TH: variants seen among roughly 807,000 people sequenced by gnomAD.
TH encodes the protein tyrosine 3-monooxygenase.
Under a neutral mutation model 57.4 loss-of-function variants are expected in TH, and 49 were observed. That is an observed-to-expected ratio of 0.85 (90% CI 0.68 to 1.08). The LOEUF is 1.08. TH is among the 50% of genes least tolerant of loss of function. The pLI is 0.00. For synonymous variants in TH, 330 were observed against 304.5 expected, an observed-to-expected ratio of 1.08 and a Z score of -0.87; for missense variants, 720 against 696.7, an observed-to-expected ratio of 1.03 and a Z score of -0.38.
chr11:2,167,574 A>G, intron 5 of TH, 89 bp from the exon 6 acceptor site: 1 of 1,441,832 alleles, frequency 6.9e-7, no homozygotes, highest in Non-Finnish European at 9.4e-7. Context: ...ACAGGTCCAC[A>G]CCCGCCTAGT....
intron 3 of TH, 71 bp downstream of exon 3, chr11:2,168,420 C>T: frequency 6.3e-7 from 1 of 1,588,222 alleles, no homozygotes; most frequent in Non-Finnish European, 8.6e-7. Context: ...GTAGGGTCCC[C>T]CTGCAGGAGC....
chr11:2,165,903 G>A, intron 10 of TH, 99 bp downstream of exon 10: 5 of 1,500,502 alleles, frequency 3.3e-6, no homozygotes, highest in Non-Finnish European at 4.5e-6. Context: ...ACAATTCGTG[G>A]GTGGAAGGAG....
In TH at chr11:2,171,619, G is replaced by A; in HGVS notation, c.90+78C>T. ...TGAGCCTGGGGCTGCCAGCCAGGCT[G>A]GGGAGTAGCAGAGGCAGCTGGCACC... On this transcript the variant is annotated intron_variant, in intron 1 of 12. Transcript: ENST00000352909. This position sits in a 1 kb window ranked among gnomAD's most constrained non-coding sequence, Gnocchi z 8.6. 6.6e-7 allele frequency: 1 copy of A among 1,510,774 alleles called. No individual in the cohort carries two copies. Among genetic ancestry groups the A allele is most frequent in the South Asian group, 1.1e-5 (1 of 88,288 alleles). 93.6% of individuals were successfully genotyped at this position (1,510,774 alleles called of 1,614,324 possible).
rs76240471 is a variant in TH, at chr11:2,169,695, C to T, written c.267G>A (p.Arg89=). 10,383 of 1,613,418 alleles carry T rather than the reference C, an allele frequency of 6.4e-3. 181 individuals carry two copies. The highest frequency in any genetic ancestry group is 0.061 in the Middle Eastern group (368 of 6,058). ...GGGACAGCGCCGAGGGCTTGGTGGC[C>T]CTCGGGGAGAAGAGCAGGTTTAGCA... The part of the protein sequence containing the change: ...KAVLNLLFSP[R]ATKPSALSRA... Residue 89 remains arginine, a synonymous_variant, in exon 2 of 13, where the codon AGG becomes AGA. Coordinates refer to ENST00000352909, the MANE Select transcript of TH (RefSeq NM_000360.4).
rs1846110498 is a variant in TH at position 2,166,925 on chromosome 11, T to C, written c.803A>G (p.Asn268Ser). The change falls in exon 7 of 13, where the codon AAT (asparagine) becomes AGT (serine). Residue 268 changes from asparagine to serine, a missense_variant. Transcript: ENST00000352909. ...LERFSGYRED[N>S]IPQLEDVSRF... ...GGAGACGTCCTCCAGCTGGGGGATA[T>C]TGTCTTCCCGGTAGCCGCTGAAGCG... 1 of 1,603,238 alleles carries C rather than the reference T, an allele frequency of 6.2e-7. No homozygotes were observed. The highest frequency in any genetic ancestry group is 1.3e-5 in the African/African-American group (1 of 74,824).
intron 2 of TH, 108 bp downstream of exon 2, chr11:2,169,542 C>G (rs564773405): frequency 7.1e-5 from 80 of 1,126,284 alleles, no homozygotes; most frequent in Non-Finnish European, 1.3e-5. Context: ...GTGCCGGCCT[C>G]GGGGGCCTGG....
At chr11:2,168,231 G>A (rs1240451267) in intron 3 of TH, 52 bp from the exon 4 acceptor site, 2 of 1,583,070 alleles carry the variant, frequency 1.3e-6, no homozygotes, top group South Asian at 1.1e-5. Flanking sequence ...CCGTGGGGCT[G>A]TGTCACCCAC....
intron 10 of TH, 57 bp downstream of exon 10, chr11:2,165,945 C>A: frequency 6.5e-7 from 1 of 1,537,414 alleles, no homozygotes; most frequent in Non-Finnish European, 8.8e-7. Context: ...GAGGGTGAGG[C>A]CTGGATTCAG....
rs767468642 is a variant in TH, at chr11:2,170,654, C to A, written c.91-783G>T. The A allele has an allele frequency of 2.0e-6, 3 of 1,482,810 alleles. No homozygotes were observed. The highest frequency in any genetic ancestry group is 2.8e-6 in the Non-Finnish European group (3 of 1,073,366). 91.9% of individuals were successfully genotyped at this position (1,482,810 alleles called of 1,614,324 possible). A position where few individuals can be genotyped will look rare whatever the true frequency, so the allele number is the denominator to read the frequency against. On this transcript the variant is annotated intron_variant, in intron 1 of 12. Coordinates refer to ENST00000352909, the MANE Select transcript of TH (RefSeq NM_000360.4). This position sits in a 1 kb window ranked among gnomAD's most constrained non-coding sequence, Gnocchi z 6.0. ...CAGGGTTGTGGAACATGAAGGGGAG[C>A]AGCAGAAGCCCCTCCCAGAGTCCCC...
At chr11:2,169,245 C>T (rs111479960) in intron 2 of TH, among the ~76,000 whole-genome samples, 1,916 of 152,214 alleles carry the variant, frequency 0.013, 54 homozygotes, top group African/African-American at 0.044. Flanking sequence ...TCCCGGGGCA[C>T]AGTGGGGCCG....
At chr11:2,168,058 G>C in intron 4 of TH, 33 bp downstream of exon 4, 2 of 1,611,812 alleles carry the variant, frequency 1.2e-6, no homozygotes, top group South Asian at 1.1e-5. Context: ...GTGATCAGGG[G>C]CAGGAGGCCT....
intron 8 of TH, 35 bp downstream of exon 8, chr11:2,166,598 C>T (rs774359678): frequency 2.5e-6 from 4 of 1,584,514 alleles, no homozygotes; most frequent in South Asian, 2.3e-5. Context: ...GTCGCACCCC[C>T]CACCCTCGGG....
intron 6 of TH, 151 bp downstream of exon 6, chr11:2,167,284 A>T: frequency 9.4e-7 from 1 of 1,065,600 alleles, no homozygotes; most frequent in South Asian, 1.5e-5. Flanking sequence ...CTTCCTCCCA[A>T]CCCAACATTC....
At chr11:2,169,036 GC>G (rs964269942) in intron 2 of TH, among the ~76,000 whole-genome samples, 3 of 152,162 alleles carry the variant, frequency 2.0e-5, no homozygotes, top group Non-Finnish European at 4.4e-5. Context: ...TGTAGGATGG[GC>G]CCTGAGTCTC....
In TH at chr11:2,166,209, C is replaced by A. The variant is rs4072824; in HGVS notation, c.1048-151G>T. 658,690 of 942,104 alleles carry A rather than the reference C, an allele frequency of 0.7. 234,986 individuals carry two copies. The highest frequency in any genetic ancestry group is 0.96 in the East Asian group (36,675 of 38,066). 58.4% of individuals were successfully genotyped at this position (942,104 alleles called of 1,614,324 possible). On this transcript the variant is annotated intron_variant, in intron 9 of 12. Transcript: ENST00000352909. ...CCCTGGCCGCCCAGGATCCGCACCTCCACCGGGCCTCCTCCTCCAGGCAGC... is the reference window on the plus strand; with the variant it reads ...CCCTGGCCGCCCAGGATCCGCACCTACACCGGGCCTCCTCCTCCAGGCAGC...
intron 9 of TH, 42 bp from the exon 10 acceptor site, chr11:2,166,100 G>A: frequency 6.5e-7 from 1 of 1,547,816 alleles, no homozygotes; most frequent in Non-Finnish European, 8.7e-7. Context: ...AGGCAGCCCT[G>A]GGTCATGCTC....
Position 2,166,676 on chromosome 11 carries a change from G to A in TH, c.934C>T (p.Gln312Ter), listed in dbSNP as rs1337159250. The stretch of plus-strand genomic sequence containing the variant: ...GGCGAGGACGCGTGGCGGATATACT[G>A]GGTGCACTGGAACACGCGGAAGGCC... ...SLAFRVFQCTQYIRHASSPMH... is the reference protein window; with the variant it reads ...SLAFRVFQCT Residue 312 changes from glutamine to a stop codon, truncating the protein, a stop_gained, in exon 8 of 13, where the codon CAG becomes TAG. Transcript: ENST00000352909. LOFTEE classifies it high-confidence loss of function. 3.8e-6 allele frequency: 6 copies of A among 1,566,422 alleles called. No individual in the cohort carries two copies. The South Asian group carries it at 7.0e-5, about 18-fold the overall frequency.
At chr11:2,169,164 G>A (rs1438288261) in intron 2 of TH, among the ~76,000 whole-genome samples, 4 of 152,112 alleles carry the variant, frequency 2.6e-5, no homozygotes, top group African/African-American at 9.7e-5. Context: ...AACTGGCTCT[G>A]GGAGCTGGGG....
In TH at chr11:2,168,091, C is replaced by T. The variant is rs201809787; in HGVS notation, c.576G>A (p.Pro192=). 4.0e-5 allele frequency: 64 copies of T among 1,612,940 alleles called. No homozygotes were observed. Among genetic ancestry groups the T allele is most frequent in the Admixed American group, 6.7e-5 (4 of 59,996 alleles). The change falls in exon 4 of 13, where the codon CCG becomes CCA. Residue 192 remains proline (P), a splice_region_variant and synonymous_variant. Transcript: ENST00000352909. ...CCTGAGTGAGGGGCGCACCACTCAC[C>T]GGGTGGTCCAAGTCCAGGTCAGGGT... The part of the protein sequence containing the change: ...KFDPDLDLDH[P]GFSDQVYRQR...
Sources: gnomAD v4.1 joint callset for allele counts (sites outside exome capture counted in the v4.1 genomes callset) on GRCh38, gnomAD v4.1.1 for gene constraint, Gnocchi (gnomAD v3.1) non-coding constraint, MANE v1.5 for transcripts, NCBI Gene and HGNC (gene_info 2026-07-23, HGNC 2026-07-21) for gene names.